ASPRV1: variants seen among roughly 807,000 people sequenced by gnomAD.
ASPRV1 encodes aspartic peptidase retroviral like 1.
A neutral mutation model predicts 11.0 loss-of-function variants in ASPRV1; 7 were observed. The ratio of observed to expected loss-of-function variants is 0.64; its 90% CI spans 0.36 to 1.20. ASPRV1 has a LOEUF of 1.20. ASPRV1 is among the 50% of genes most tolerant of loss of function. The pLI is 0.02. For synonymous variants in ASPRV1, 136 were observed against 138.4 expected, an observed-to-expected ratio of 0.98 and a Z score of 0.12; for missense variants, 299 against 320.0, an observed-to-expected ratio of 0.93 and a Z score of 0.50.
chr2:70,078,702 G>C, the ASPRV1 span, among the ~76,000 whole-genome samples: 2 of 152,228 alleles, frequency 1.3e-5, no homozygotes, highest in Non-Finnish European at 2.9e-5. Flanking sequence ...AGCTGGGAGA[G>C]AGTGGTGTGA....
the ASPRV1 span, chr2:70,032,293 C>T: frequency 3.9e-5 from 6 of 152,224 alleles, no homozygotes; most frequent in Non-Finnish European, 8.8e-5. Flanking sequence ...CAGTGTGGCA[C>T]TAGCTGCATT....
At chr2:69,939,274 C>G in the ASPRV1 span, 1 of 152,628 alleles carries the variant, frequency 6.6e-6, no homozygotes, top group Non-Finnish European at 1.5e-5. Context: ...CACATTTCTA[C>G]TCTCTGTTGC....
chr2:69,944,135 G>T, the ASPRV1 span, among the ~76,000 whole-genome samples: 2 of 152,118 alleles, frequency 1.3e-5, no homozygotes, highest in Non-Finnish European at 2.9e-5. Flanking sequence ...ATAGTGCATT[G>T]GTCACAACCT....
chr2:69,952,863 A>C, the ASPRV1 span, among the ~76,000 whole-genome samples: 1 of 152,060 alleles, frequency 6.6e-6, no homozygotes, highest in Non-Finnish European at 1.5e-5. Context: ...CTCCATAACA[A>C]ATGCCCCTAA....
chr2:70,053,391 C>T, the ASPRV1 span, among the ~76,000 whole-genome samples: 1 of 152,070 alleles, frequency 6.6e-6, no homozygotes, highest in Admixed American at 6.6e-5. Flanking sequence ...TGAGTGGAGG[C>T]AGGGCACTCA....
chr2:70,060,435 T>C, the ASPRV1 span, among the ~76,000 whole-genome samples: 20 of 150,080 alleles, frequency 1.3e-4, no homozygotes, highest in Non-Finnish European at 4.4e-5. Context: ...CTTAAAGAAG[T>C]AGTAAAGGAC....
At chr2:70,080,110 A>G in the ASPRV1 span, among the ~76,000 whole-genome samples, 1 of 152,098 alleles carries the variant, frequency 6.6e-6, no homozygotes, top group Admixed American at 6.6e-5. Flanking sequence ...TCTAACTCAA[A>G]CCTCCTAACC....
chr2:70,054,058 C>T, the ASPRV1 span: 32,507 of 152,160 alleles, frequency 0.21, 3,785 homozygotes, highest in Non-Finnish European at 0.24. Context: ...GCTCACCAGG[C>T]GCGGTGGCTC....
the ASPRV1 span, among the ~76,000 whole-genome samples, chr2:69,999,620 C>A: frequency 1.4e-5 from 2 of 141,906 alleles, no homozygotes; most frequent in African/African-American, 5.4e-5. Context: ...CGTGCCACTG[C>A]ACTCCAGCCT....
downstream of ASPRV1, among the ~76,000 whole-genome samples, chr2:69,956,514 GAGGAGGAGGAGGAGA>G (rs1274399280): frequency 2.0e-5 from 3 of 148,344 alleles, no homozygotes; most frequent in Non-Finnish European, 3.0e-5. Context: ...AGGAGGAGGG[GAGGAGGAGGAGGAGA>G]AGGAGGAGGA....
chr2:70,066,928 T>G, the ASPRV1 span, among the ~76,000 whole-genome samples: 1 of 152,060 alleles, frequency 6.6e-6, no homozygotes, highest in African/African-American at 2.4e-5. Flanking sequence ...GGCTGTAGTG[T>G]GGAGACTGGA....
chr2:69,942,681 G>A, the ASPRV1 span: 5 of 152,220 alleles, frequency 3.3e-5, no homozygotes, highest in African/African-American at 1.2e-4. Context: ...ATCATTTTTG[G>A]GGGGCCATCT....
the ASPRV1 span, among the ~76,000 whole-genome samples, chr2:70,063,033 C>G: frequency 4.6e-5 from 7 of 152,110 alleles, no homozygotes; most frequent in South Asian, 2.1e-4. Context: ...ACTAGATGAC[C>G]AGGCCATAGA....
the ASPRV1 span, among the ~76,000 whole-genome samples, chr2:70,029,802 G>A: frequency 1.1e-4 from 16 of 151,948 alleles, no homozygotes; most frequent in Non-Finnish European, 1.3e-4. Context: ...TCTCATCAAG[G>A]ACCCCTCCCT....
At chr2:69,948,710 C>T in the ASPRV1 span, among the ~76,000 whole-genome samples, 2 of 152,160 alleles carry the variant, frequency 1.3e-5, no homozygotes, top group Admixed American at 1.3e-4. Context: ...AGGGGGCTGC[C>T]CTGCCTCCGG....
At chr2:70,082,439 G>A in the ASPRV1 span, among the ~76,000 whole-genome samples, 16 of 152,010 alleles carry the variant, frequency 1.1e-4, no homozygotes, top group African/African-American at 2.4e-4. Flanking sequence ...GGCCGGGTGC[G>A]GTGGCTCACA....
chr2:69,957,134 A>T (rs1414196261), downstream of ASPRV1, among the ~76,000 whole-genome samples: 7 of 152,238 alleles, frequency 4.6e-5, no homozygotes, highest in African/African-American at 7.2e-5. Flanking sequence ...TAGTGGTATT[A>T]CATCAGTGAA....
the ASPRV1 span, among the ~76,000 whole-genome samples, chr2:70,002,805 T>A: frequency 1.3e-5 from 2 of 152,210 alleles, no homozygotes; most frequent in Non-Finnish European, 2.9e-5. Flanking sequence ...ACTGGGGGGC[T>A]GATCAGAATA....
chr2:69,951,113 T>C, the ASPRV1 span, among the ~76,000 whole-genome samples: 131 of 152,052 alleles, frequency 8.6e-4, no homozygotes, highest in Admixed American at 2.9e-3. Flanking sequence ...TCAAGGTTCT[T>C]ATATATGTAT....
Sources: gnomAD v4.1 joint callset for allele counts (sites outside exome capture counted in the v4.1 genomes callset) on GRCh38, gnomAD v4.1.1 for gene constraint, MANE v1.5 for transcripts, NCBI Gene and HGNC (gene_info 2026-07-23, HGNC 2026-07-21) for gene names.